Variants in CPEB3 observed in about 807,000 individuals in gnomAD.
CPEB3 encodes cytoplasmic polyadenylation element binding protein 3.
Under a neutral mutation model 67.2 loss-of-function variants are expected in CPEB3, and 20 were observed. That is an observed-to-expected ratio of 0.30 (90% CI 0.21 to 0.43). The LOEUF (loss-of-function observed/expected upper bound fraction) is 0.43. CPEB3 is among the 20% of genes least tolerant of loss of function. The pLI is 1.00. For missense variants in CPEB3, 746 were observed against 968.6 expected, an observed-to-expected ratio of 0.77 and a Z score of 3.05; for synonymous variants, 376 against 393.1, an observed-to-expected ratio of 0.96 and a Z score of 0.51.
Position 92,291,071 on chromosome 10 carries a change from C to T in CPEB3, c.-157G>A. 1 of 203,628 alleles carries T rather than the reference C, an allele frequency of 4.9e-6. No individual in the cohort carries two copies. Among genetic ancestry groups the T allele is most frequent in the Non-Finnish European group, 1.0e-5 (1 of 100,088 alleles). The allele number at this position is 203,628 out of a possible 1,614,324, so 12.6% of individuals were successfully genotyped here. A position where few individuals can be genotyped will look rare whatever the true frequency, so the allele number is the denominator to read the frequency against. The stretch of plus-strand genomic sequence containing the variant: ...GAGGCGTTGGTCCGGGCGGGCTGTG[C>T]AGCCTCTAGTGGAGACGGTCCGAAG... On this transcript the variant is annotated 5_prime_UTR_variant, in exon 1 of 10. Coordinates refer to ENST00000265997, the MANE Select transcript of CPEB3 (RefSeq NM_014912.5).
chr10:92,129,358 G>A (rs1564803182), intron 6 of CPEB3, among the ~76,000 whole-genome samples: 1 of 152,112 alleles, frequency 6.6e-6, no homozygotes, highest in Admixed American at 6.6e-5. Flanking sequence ...GGTGGAGGGT[G>A]GGAGGAGGGA....
chr10:92,115,321 T>TGGGG (rs1844964494), intron 6 of CPEB3, among the ~76,000 whole-genome samples: 1 of 152,146 alleles, frequency 6.6e-6, no homozygotes, highest in African/African-American at 2.4e-5. Context: ...ACCCGACTAA[T>TGGGG]TTTTGTATTC....
chr10:92,069,993 C>A (rs1053909893), intron 9 of CPEB3, among the ~76,000 whole-genome samples: 8 of 152,088 alleles, frequency 5.3e-5, no homozygotes, highest in African/African-American at 1.9e-4. Flanking sequence ...GTCCGAAACC[C>A]TCTGTAGATA....
chr10:92,217,018 G>A (rs1434950319), intron 2 of CPEB3, among the ~76,000 whole-genome samples: 1 of 149,630 alleles, frequency 6.7e-6, no homozygotes, highest in African/African-American at 2.5e-5. Flanking sequence ...AATGTAGGGT[G>A]GAGAAAGTAA....
At chr10:92,084,565 T>C (rs1843294294) in intron 8 of CPEB3, among the ~76,000 whole-genome samples, 1 of 151,980 alleles carries the variant, frequency 6.6e-6, no homozygotes, top group South Asian at 2.1e-4. Flanking sequence ...CTCATCTGTA[T>C]TTTATTATTT....
At chr10:92,105,597 A>G (rs894368326) in intron 7 of CPEB3, among the ~76,000 whole-genome samples, 1 of 152,210 alleles carries the variant, frequency 6.6e-6, no homozygotes, top group African/African-American at 2.4e-5. Flanking sequence ...TGAACTCTCC[A>G]AAGTACATAA....
intron 9 of CPEB3, among the ~76,000 whole-genome samples, chr10:92,071,061 ACTTTC>A (rs1450463582): frequency 4.1e-5 from 5 of 122,546 alleles, no homozygotes; most frequent in African/African-American, 1.6e-4. Flanking sequence ...TTTCAAAAAC[ACTTTC>A]ATTTACACAC....
chr10:92,190,308 G>GGATTTTTTGAGT (rs1848905768), intron 3 of CPEB3, among the ~76,000 whole-genome samples: 1 of 151,366 alleles, frequency 6.6e-6, no homozygotes, highest in Admixed American at 6.6e-5. Context: ...CAGTTACCCT[G>GGATTTTTTGAGT]TACTTGAGTT....
chr10:92,162,227 G>C (rs1380891172), intron 4 of CPEB3, among the ~76,000 whole-genome samples: 1 of 151,692 alleles, frequency 6.6e-6, no homozygotes, highest in African/African-American at 2.4e-5. Flanking sequence ...CTAATTTTTA[G>C]AAATCAGAGT....
At chr10:92,246,177 T>C (rs190274767) in intron 1 of CPEB3, among the ~76,000 whole-genome samples, 15 of 148,948 alleles carry the variant, frequency 1.0e-4, no homozygotes, top group Non-Finnish European at 2.1e-4. Context: ...CTACTAAAAA[T>C]ACAAAAATTA....
chr10:92,049,090 T>C lies in CPEB3; in HGVS notation c.*3122A>G, dbSNP rs1170322771. The C allele has an allele frequency of 2.0e-5, 3 of 152,614 alleles. No homozygotes were observed. The highest frequency in any genetic ancestry group is 4.8e-5 in the African/African-American group (2 of 41,450). 9.5% of individuals were successfully genotyped at this position (152,614 alleles called of 1,614,324 possible). ...TCTCAGTACAAAGGCTACATTACTA[T>C]TGAAAAAATACCAGCATGAAGAAAA... On this transcript the variant is annotated 3_prime_UTR_variant, in exon 10 of 10. Coordinates refer to ENST00000265997, the MANE Select transcript of CPEB3 (RefSeq NM_014912.5).
chr10:92,252,486 C>A (rs1052677609), intron 1 of CPEB3, among the ~76,000 whole-genome samples: 2 of 151,978 alleles, frequency 1.3e-5, no homozygotes, highest in Non-Finnish European at 2.9e-5. Flanking sequence ...AAGATATGTT[C>A]GAAGCAGCAT....
At chr10:92,235,640 G>A (rs565839524) in intron 2 of CPEB3, among the ~76,000 whole-genome samples, 2 of 152,278 alleles carry the variant, frequency 1.3e-5, no homozygotes, top group South Asian at 4.1e-4. Flanking sequence ...CCATTTTACA[G>A]GTGAAGAAAT....
At chr10:92,208,820 C>T (rs560376085) in intron 2 of CPEB3, among the ~76,000 whole-genome samples, 12 of 152,092 alleles carry the variant, frequency 7.9e-5, no homozygotes, top group Non-Finnish European at 1.6e-4. Context: ...GTCTCGAACT[C>T]CTGACCCCAA....
intron 1 of CPEB3, among the ~76,000 whole-genome samples, chr10:92,248,148 T>G (rs1852146180): frequency 6.6e-6 from 1 of 152,230 alleles, no homozygotes; most frequent in African/African-American, 2.4e-5. Context: ...AAGTTCCTTA[T>G]GTAAAATGGC....
At chr10:92,172,738 T>C (rs1050515910) in intron 4 of CPEB3, among the ~76,000 whole-genome samples, 2 of 152,232 alleles carry the variant, frequency 1.3e-5, no homozygotes, top group African/African-American at 2.4e-5. Flanking sequence ...CTCTATCATA[T>C]GGCCATGTTT....
intron 4 of CPEB3, among the ~76,000 whole-genome samples, chr10:92,154,575 G>C (rs1847116936): frequency 6.6e-6 from 1 of 152,116 alleles, no homozygotes; most frequent in Admixed American, 6.6e-5. Context: ...CTGTGTCCAG[G>C]AGTTTCACCG....
At chr10:92,194,806 C>T (rs1279261964) in intron 2 of CPEB3, among the ~76,000 whole-genome samples, 1 of 152,146 alleles carries the variant, frequency 6.6e-6, no homozygotes, top group East Asian at 1.9e-4. Flanking sequence ...CTTTGGGAGG[C>T]TGAGGCGGGC....
intron 9 of CPEB3, among the ~76,000 whole-genome samples, chr10:92,067,110 T>C (rs968908858): frequency 1.3e-5 from 2 of 151,000 alleles, no homozygotes; most frequent in Non-Finnish European, 1.5e-5. Flanking sequence ...AAAAATATTT[T>C]ATTAATAAAA....
Sources: allele counts gnomAD v4.1 joint callset (sites outside exome capture counted in the v4.1 genomes callset), GRCh38; gene constraint gnomAD v4.1.1; transcripts MANE v1.5; gene names NCBI Gene and HGNC (gene_info 2026-07-23, HGNC 2026-07-21).